Variants in MICAL3 observed in about 807,000 individuals in gnomAD.
The protein encoded by MICAL3 is microtubule associated monooxygenase, calponin and LIM domain containing 3.
Under a neutral mutation model 207.4 loss-of-function variants are expected in MICAL3, and 62 were observed. The ratio of observed to expected loss-of-function variants is 0.30; its 90% confidence interval spans 0.24 to 0.37. MICAL3 has a LOEUF of 0.37. MICAL3 is among the 10% of genes least tolerant of loss of function. The pLI is 1.00. For synonymous variants in MICAL3, 1,077 were observed against 1,069.3 expected (o/e 1.01, Z -0.14); for missense variants, 2,368 against 2,635.6 (o/e 0.90, Z 2.22).
intron 1 of MICAL3, among the ~76,000 whole-genome samples, chr22:17,922,934 AT>A (rs1054671001): frequency 6.6e-6 from 1 of 152,170 alleles, no homozygotes; most frequent in African/African-American, 2.4e-5. Flanking sequence ...AGTGGAATGT[AT>A]TTTCCCTTGA....
chr22:17,926,835 T>C (rs910180826), intron 1 of MICAL3, among the ~76,000 whole-genome samples: 14 of 152,252 alleles, frequency 9.2e-5, no homozygotes, highest in Admixed American at 5.9e-4. Context: ...CGTCACTGCA[T>C]TGGACTTCAT....
At chr22:17,871,095 C>T (rs1349175789) in intron 17 of MICAL3, among the ~76,000 whole-genome samples, 1 of 152,218 alleles carries the variant, frequency 6.6e-6, no homozygotes, top group Non-Finnish European at 1.5e-5. Context: ...AAGACTGCCT[C>T]CCACGAAGTC....
intron 1 of MICAL3, among the ~76,000 whole-genome samples, chr22:17,975,496 C>T (rs77814976): frequency 0.011 from 1,638 of 152,118 alleles, 36 homozygotes; most frequent in African/African-American, 0.038. Context: ...CATATTTTTC[C>T]GCTCCCATGC....
chr22:17,813,756 G>A (rs1342334712), intron 27 of MICAL3: 1 of 152,204 alleles, frequency 6.6e-6, no homozygotes, highest in Non-Finnish European at 1.5e-5. Context: ...GTCCCTGTGT[G>A]CCTGAGGTGG....
intron 19 of MICAL3, among the ~76,000 whole-genome samples, chr22:17,855,696 C>T (rs533633580): frequency 6.6e-6 from 1 of 152,238 alleles, no homozygotes; most frequent in Non-Finnish European, 1.5e-5. Flanking sequence ...TTAATGACTT[C>T]CCCCATTGCA....
intron 19 of MICAL3, among the ~76,000 whole-genome samples, chr22:17,843,811 G>A (rs1287992595): frequency 6.6e-6 from 1 of 152,164 alleles, no homozygotes; most frequent in Non-Finnish European, 1.5e-5. Context: ...AAACAGGGCT[G>A]AGGCACAGTG....
Position 18,023,283 on chromosome 22 carries a change from C to T in MICAL3, c.-75+998G>A, listed in dbSNP as rs150893192. Among the ~76,000 whole-genome samples, 421 of 152,238 alleles carry T rather than the reference C, an allele frequency of 2.8e-3. 3 individuals carry two copies. Among genetic ancestry groups the T allele is most frequent in the African/African-American group, 9.6e-3 (397 of 41,542 alleles). On this transcript the variant is annotated intron_variant, in intron 1 of 31. Coordinates refer to ENST00000441493, the MANE Select transcript of MICAL3 (RefSeq NM_015241.3). ...AAATCCCAGTGTTTGGGCCATATCC[C>T]AGACCAATTAAGTCAGAATCTCCAG... is the stretch of plus-strand genomic sequence containing the variant.
chr22:18,003,780 T>A lies in MICAL3; in HGVS notation c.-75+20501A>T, dbSNP rs74516293. 6.2e-3 allele frequency among the ~76,000 whole-genome samples: 942 copies of A among 152,188 alleles called. 5 individuals are homozygous for A. Among genetic ancestry groups the A allele is most frequent in the Non-Finnish European group, 9.3e-3 (635 of 67,970 alleles). On this transcript the variant is annotated intron_variant, in intron 1 of 31. Coordinates refer to ENST00000441493, the MANE Select transcript of MICAL3 (RefSeq NM_015241.3). Reference sequence around the variant, plus strand: ...GTCTGGGATACCCTTTCTTTATTTTTTTTTTTTTAAGATGGAGTCTCGCTG... The same window carrying A: ...GTCTGGGATACCCTTTCTTTATTTTATTTTTTTTAAGATGGAGTCTCGCTG...
intron 27 of MICAL3, among the ~76,000 whole-genome samples, chr22:17,816,459 C>T (rs1569076878): frequency 6.6e-6 from 1 of 152,264 alleles, no homozygotes; most frequent in Non-Finnish European, 1.5e-5. Flanking sequence ...TTTTCTTCTT[C>T]ACAAGAAATC....
Position 17,793,979 on chromosome 22 carries a change from T to A in MICAL3, c.5651-2678A>T, listed in dbSNP as rs2061850688. Among the ~76,000 whole-genome samples, 1 of 151,660 alleles carries A rather than the reference T, an allele frequency of 6.6e-6. No homozygotes were observed. The highest frequency in any genetic ancestry group is 1.5e-5 in the Non-Finnish European group (1 of 67,930). On this transcript the variant is annotated intron_variant, in intron 29 of 31. Coordinates refer to ENST00000441493, the MANE Select transcript of MICAL3 (RefSeq NM_015241.3). This position sits in a 1 kb window ranked among gnomAD's most constrained non-coding sequence, Gnocchi z 4.1. ...GAGGAAAAGAAAATAATACAAGAAATGGAGAAGCAGAAACAAGGGAAACAA... is the reference window on the plus strand; with the variant it reads ...GAGGAAAAGAAAATAATACAAGAAAAGGAGAAGCAGAAACAAGGGAAACAA...
chr22:17,993,172 T>C (rs1254070784), intron 1 of MICAL3, among the ~76,000 whole-genome samples: 1 of 152,186 alleles, frequency 6.6e-6, no homozygotes, highest in Non-Finnish European at 1.5e-5. Context: ...CTCTGACTAC[T>C]CATGGCCAAA....
chr22:17,822,451 G>A (rs947816739), intron 23 of MICAL3, among the ~76,000 whole-genome samples: 9 of 152,190 alleles, frequency 5.9e-5, no homozygotes, highest in African/African-American at 1.2e-4. Flanking sequence ...GATGGGCTGC[G>A]ACAGACAAAG....
At chr22:17,879,025 A>AG (rs1479954517) in intron 16 of MICAL3, among the ~76,000 whole-genome samples, 1 of 152,166 alleles carries the variant, frequency 6.6e-6, no homozygotes, top group African/African-American at 2.4e-5. Context: ...ACTGGCACAT[A>AG]GTTTGGGGGT....
intron 20 of MICAL3, among the ~76,000 whole-genome samples, chr22:17,837,539 A>G (rs980529060): frequency 1.6e-4 from 24 of 152,234 alleles, no homozygotes; most frequent in Non-Finnish European, 2.8e-4. Flanking sequence ...GCAGTCAGGG[A>G]AAACAACACA....
At chr22:17,946,608 A>G (rs1934079469) in intron 1 of MICAL3, among the ~76,000 whole-genome samples, 1 of 152,228 alleles carries the variant, frequency 6.6e-6, no homozygotes, top group African/African-American at 2.4e-5. Flanking sequence ...CTGCACACAC[A>G]TGTGGACACA....
chr22:17,886,140 C>T, intron 15 of MICAL3, 89 bp from the exon 16 acceptor site: 1 of 1,414,760 alleles, frequency 7.1e-7, no homozygotes, highest in Non-Finnish European at 9.8e-7. Flanking sequence ...CAGGACCTGG[C>T]ATGGGGGCTG....
intron 1 of MICAL3, among the ~76,000 whole-genome samples, chr22:18,018,872 T>C (rs1028222938): frequency 6.6e-6 from 1 of 152,128 alleles, no homozygotes; most frequent in Non-Finnish European, 1.5e-5. Context: ...GTATACACTC[T>C]GGTATTTTCT....
intron 13 of MICAL3, 115 bp downstream of exon 13, chr22:17,888,919 C>T: frequency 1.5e-6 from 1 of 663,842 alleles, no homozygotes; most frequent in South Asian, 2.3e-5. Context: ...CTGGTAAAAA[C>T]ACAGAGTAAC....
chr22:17,824,950 C>G (rs1250717334), intron 22 of MICAL3, among the ~76,000 whole-genome samples: 1 of 152,218 alleles, frequency 6.6e-6, no homozygotes, highest in African/African-American at 2.4e-5. Flanking sequence ...CAGAATCTGG[C>G]CCATCCCATG....
Sources: gnomAD v4.1 joint callset for allele counts (sites outside exome capture counted in the v4.1 genomes callset) on GRCh38, gnomAD v4.1.1 for gene constraint, Gnocchi (gnomAD v3.1) non-coding constraint, MANE v1.5 for transcripts, NCBI Gene and HGNC (gene_info 2026-07-23, HGNC 2026-07-21) for gene names.